WDTC1: variants seen among roughly 807,000 people sequenced by gnomAD.
WDTC1 encodes the protein WD and tetratricopeptide repeats 1, also known as WD and tetratricopeptide repeats protein 1.
In WDTC1, 12 loss-of-function variants were observed where a neutral mutation model predicts 76.0. That is an observed-to-expected ratio of 0.16 (90% confidence interval 0.10 to 0.26). WDTC1 has a LOEUF of 0.26. Ranked by LOEUF, WDTC1 falls within the 10% of genes least tolerant of loss-of-function variation. The pLI is 1.00. For synonymous variants in WDTC1, 326 were observed against 350.8 expected, an observed-to-expected ratio of 0.93 and a Z score of 0.79; for missense variants, 511 against 908.8, an observed-to-expected ratio of 0.56 and a Z score of 5.63.
chr1:27,267,587 C>T (rs747079250), intron 3 of WDTC1, among the ~76,000 whole-genome samples: 4 of 152,176 alleles, frequency 2.6e-5, no homozygotes, highest in Admixed American at 6.6e-5. Context: ...AATCCAGTTA[C>T]GTGGAATTGA....
At chr1:27,282,024 G>A (rs1182479419) in intron 3 of WDTC1, among the ~76,000 whole-genome samples, 3 of 152,176 alleles carry the variant, frequency 2.0e-5, no homozygotes, top group Admixed American at 6.6e-5. Context: ...TTATGGCTCA[G>A]AAGTGCCCAG....
intron 1 of WDTC1, among the ~76,000 whole-genome samples, chr1:27,241,730 G>A (rs1166449654): frequency 1.3e-5 from 2 of 152,078 alleles, no homozygotes; most frequent in African/African-American, 4.8e-5. Context: ...ATCAAAATAT[G>A]CTCCCTTTTC....
chr1:27,252,119 G>A (rs1349913002), intron 1 of WDTC1, among the ~76,000 whole-genome samples: 1 of 151,836 alleles, frequency 6.6e-6, no homozygotes, highest in Non-Finnish European at 1.5e-5. Context: ...GCTGAGACGA[G>A]AGGATTGCTT....
At chr1:27,245,568 TTTTG>T (rs539419904) in intron 1 of WDTC1, among the ~76,000 whole-genome samples, 2 of 151,462 alleles carry the variant, frequency 1.3e-5, no homozygotes, top group East Asian at 1.9e-4. Flanking sequence ...GGTTTTTTTT[TTTTG>T]TTTGTTTGTA....
intron 1 of WDTC1, among the ~76,000 whole-genome samples, chr1:27,246,745 A>G (rs550242783): frequency 6.6e-6 from 1 of 150,982 alleles, no homozygotes; most frequent in South Asian, 2.1e-4. Flanking sequence ...TATTTTTAGT[A>G]GAGATGGGGT....
intron 3 of WDTC1, among the ~76,000 whole-genome samples, chr1:27,279,575 T>C (rs1310812895): frequency 2.6e-5 from 4 of 152,166 alleles, no homozygotes; most frequent in Admixed American, 2.0e-4. Flanking sequence ...TTTTTTGTTT[T>C]TGTTTTTGTG....
chr1:27,265,752 C>T (rs1570955488), intron 3 of WDTC1, among the ~76,000 whole-genome samples: 1 of 151,898 alleles, frequency 6.6e-6, no homozygotes, highest in Non-Finnish European at 1.5e-5. Context: ...TTGAGACCAG[C>T]CTGACCAACA....
chr1:27,254,603 A>AG (rs903038788), intron 1 of WDTC1, among the ~76,000 whole-genome samples: 7 of 152,068 alleles, frequency 4.6e-5, no homozygotes, highest in African/African-American at 1.7e-4. Flanking sequence ...TCAAAAAAAA[A>AG]AGAATGCTAA....
intron 3 of WDTC1, among the ~76,000 whole-genome samples, chr1:27,265,031 T>C (rs2012616202): frequency 6.6e-6 from 1 of 152,126 alleles, no homozygotes; most frequent in African/African-American, 2.4e-5. Flanking sequence ...CTCAAACTCC[T>C]GAGCTCAAGC....
chr1:27,300,491 T>C (rs1391115812), intron 12 of WDTC1, among the ~76,000 whole-genome samples: 4 of 152,106 alleles, frequency 2.6e-5, no homozygotes, highest in African/African-American at 9.7e-5. Context: ...TCACTTCCTC[T>C]TTCCCCGCTT....
intron 11 of WDTC1, 32 bp downstream of exon 11, chr1:27,297,188 G>A: frequency 2.6e-6 from 4 of 1,556,162 alleles, no homozygotes; most frequent in Non-Finnish European, 3.5e-6. Context: ...AGCCCTCCAA[G>A]CCCCAGTTAC....
chr1:27,285,649 G>A (rs1007147873), intron 5 of WDTC1, among the ~76,000 whole-genome samples: 3 of 147,184 alleles, frequency 2.0e-5, no homozygotes, highest in Non-Finnish European at 3.0e-5. Flanking sequence ...ACAGAGTCTC[G>A]CTCTTGTTGC....
At chr1:27,296,167 G>C (rs1483837918) in intron 9 of WDTC1, among the ~76,000 whole-genome samples, 159 bp from the exon 10 acceptor site, 1 of 152,120 alleles carries the variant, frequency 6.6e-6, no homozygotes, top group African/African-American at 2.4e-5. Context: ...CCAGCCTGAG[G>C]TTTGCTGGAA....
intron 13 of WDTC1, among the ~76,000 whole-genome samples, chr1:27,302,072 C>T (rs1038938734): frequency 4.6e-5 from 7 of 152,184 alleles, no homozygotes; most frequent in African/African-American, 1.7e-4. Context: ...GGTCTGTAAA[C>T]GTGAACGGTG....
At chr1:27,263,500 C>T (rs1473301563) in intron 3 of WDTC1, among the ~76,000 whole-genome samples, 1 of 152,180 alleles carries the variant, frequency 6.6e-6, no homozygotes, top group African/African-American at 2.4e-5. Context: ...GTGGCACGAT[C>T]TCTGCTTACT....
intron 1 of WDTC1, 50 bp from the exon 2 acceptor site, chr1:27,260,906 G>A (rs1024974781): frequency 1.1e-4 from 95 of 866,384 alleles, no homozygotes; most frequent in Non-Finnish European, 1.5e-4. Flanking sequence ...TAGGTCTTGG[G>A]AGTCACTTTA....
In WDTC1 at chr1:27,292,359, C is replaced by T. The variant is rs370591287; in HGVS notation, c.624C>T (p.Phe208=). Residue 208 remains phenylalanine, a synonymous_variant, in exon 7 of 16, where the codon TTC becomes TTT. Coordinates refer to ENST00000319394, the MANE Select transcript of WDTC1 (RefSeq NM_001276252.2). ...NCLAVGASGP[F]VRLYDIRMIH... ...TGGCAGTTGGGGCCAGCGGGCCCTTCGTGAGGCTCTATGACATCCGCATGA... is the reference window on the plus strand; with the variant it reads ...TGGCAGTTGGGGCCAGCGGGCCCTTTGTGAGGCTCTATGACATCCGCATGA... 5.1e-5 allele frequency: 82 copies of T among 1,611,466 alleles called. No individual in the cohort carries two copies. The highest frequency in any genetic ancestry group is 1.7e-4 in the Middle Eastern group (1 of 6,054).
chr1:27,292,341 T>C lies in WDTC1; in HGVS notation c.606T>C (p.Val202=). 6.2e-7 allele frequency: 1 copy of C among 1,612,870 alleles called. No individual in the cohort carries two copies. Among genetic ancestry groups the C allele is most frequent in the South Asian group, 1.1e-5 (1 of 90,770 alleles). ...VNPQDNNCLA[V]GASGPFVRLY... ...CCCAGGACAACAACTGCCTGGCAGTTGGGGCCAGCGGGCCCTTCGTGAGGC... is the reference window on the plus strand; with the variant it reads ...CCCAGGACAACAACTGCCTGGCAGTCGGGGCCAGCGGGCCCTTCGTGAGGC... The change falls in exon 7 of 16, where the codon GTT becomes GTC. Residue 202 remains valine (V), a synonymous_variant. Transcript: ENST00000319394.
At chr1:27,268,963 C>T (rs2012767708) in intron 3 of WDTC1, among the ~76,000 whole-genome samples, 1 of 148,326 alleles carries the variant, frequency 6.7e-6, no homozygotes, top group Non-Finnish European at 1.5e-5. Context: ...GGTCCACCCT[C>T]CTCAGCCTCC....
Sources: allele counts gnomAD v4.1 joint callset (sites outside exome capture counted in the v4.1 genomes callset), GRCh38; gene constraint gnomAD v4.1.1; transcripts MANE v1.5; gene names NCBI Gene and HGNC (gene_info 2026-07-23, HGNC 2026-07-21).